PHIP: variants seen among roughly 807,000 people sequenced by gnomAD.
The protein encoded by PHIP is PHIP subunit of CUL4-Ring ligase complex, also known as PH-interacting protein.
PHIP carries 54 observed loss-of-function variants against 236.8 expected under a neutral mutation model. That is an observed-to-expected ratio of 0.23 (90% CI 0.18 to 0.29). The LOEUF is 0.29. PHIP is among the 10% of genes least tolerant of loss of function. PHIP has a pLI of 1.00. For synonymous variants in PHIP, 756 were observed against 718.9 expected, an observed-to-expected ratio of 1.05 and a Z score of -0.83; for missense variants, 1,370 against 2,190.8, an observed-to-expected ratio of 0.63 and a Z score of 7.48.
chr6:79,055,450 A>T (rs368470337), intron 6 of PHIP, among the ~76,000 whole-genome samples: 12 of 152,298 alleles, frequency 7.9e-5, no homozygotes, highest in East Asian at 5.8e-4. Context: ...GTGGGTATGG[A>T]GGTAAGAGAA....
At position 78,938,540 on chromosome 6, in the gene PHIP, G is replaced by A. The variant is rs1773354823; in HGVS notation, c.*2153C>T. The A allele has an allele frequency of 6.6e-6, 1 of 151,458 alleles. No homozygotes were observed. The highest frequency in any genetic ancestry group is 1.5e-5 in the Non-Finnish European group (1 of 67,568). 9.4% of individuals were successfully genotyped at this position (151,458 alleles called of 1,614,324 possible). Reference sequence around the variant, plus strand: ...TATTTCAAATAGATTGCCTTCAAAAGCAACTAATTAATGACAAATTTCAAA... The same window carrying A: ...TATTTCAAATAGATTGCCTTCAAAAACAACTAATTAATGACAAATTTCAAA... On this transcript the variant is annotated 3_prime_UTR_variant, in exon 40 of 40. Coordinates refer to ENST00000275034, the MANE Select transcript of PHIP (RefSeq NM_017934.7).
chr6:79,057,488 A>G (rs1275747246), intron 6 of PHIP, among the ~76,000 whole-genome samples: 6 of 152,142 alleles, frequency 3.9e-5, no homozygotes, highest in Non-Finnish European at 8.8e-5. Context: ...CTTCTCAGTA[A>G]ATAATTTCTT....
At chr6:78,979,076 T>G (rs1298273922) in intron 23 of PHIP, among the ~76,000 whole-genome samples, 1 of 152,016 alleles carries the variant, frequency 6.6e-6, no homozygotes, top group African/African-American at 2.4e-5. Context: ...CACATGCAAA[T>G]ACTATATGCC....
At chr6:79,041,507 C>T (rs1253524854) in intron 7 of PHIP, among the ~76,000 whole-genome samples, 1 of 152,090 alleles carries the variant, frequency 6.6e-6, no homozygotes, top group Non-Finnish European at 1.5e-5. Context: ...GACCTACTGG[C>T]ACAATATAGT....
chr6:79,060,842 G>C lies in PHIP; in HGVS notation c.190-24C>G, dbSNP rs143400845. 4 of 1,447,156 alleles carry C rather than the reference G, an allele frequency of 2.8e-6. No homozygotes were observed. The African/African-American group carries it at 4.3e-5, about 16-fold the overall frequency. 89.6% of individuals were successfully genotyped at this position (1,447,156 alleles called of 1,614,324 possible). On this transcript the variant is annotated intron_variant, in intron 4 of 39. Transcript: ENST00000275034. ...ACCTATTATGTAAAAGACAAATATA[G>C]TAGGTTTCAGTTTATCATTTTAATT...
rs559693554 is a variant in PHIP, at chr6:79,021,638, C to T, written c.924-2479G>A. Reference sequence around the variant, plus strand: ...AATAAGGCAGGCACAGAAAGACAAACATCACATGTTCTCACTTATTTTGGG... The same window carrying T: ...AATAAGGCAGGCACAGAAAGACAAATATCACATGTTCTCACTTATTTTGGG... On this transcript the variant is annotated intron_variant, in intron 9 of 39. Transcript: ENST00000275034. 9.2e-5 allele frequency among the ~76,000 whole-genome samples: 14 copies of T among 152,280 alleles called. No individual in the cohort carries two copies. In the South Asian group the frequency reaches 1.7e-3, roughly 18 times the overall value.
chr6:78,958,778 A>G (rs1562125543), intron 31 of PHIP, among the ~76,000 whole-genome samples, 178 bp from the exon 32 acceptor site: 1 of 152,204 alleles, frequency 6.6e-6, no homozygotes, highest in South Asian at 2.1e-4. Flanking sequence ...GGAAAAAAAG[A>G]GGGGCAACCA....
chr6:79,013,993 T>A (rs1770716419), intron 15 of PHIP, among the ~76,000 whole-genome samples: 1 of 151,242 alleles, frequency 6.6e-6, no homozygotes, highest in African/African-American at 2.4e-5. Flanking sequence ...CTCAATACAA[T>A]CACAAAGGAA....
At chr6:78,986,480 A>G (rs1768875208) in intron 21 of PHIP, among the ~76,000 whole-genome samples, 1 of 152,210 alleles carries the variant, frequency 6.6e-6, no homozygotes, top group Non-Finnish European at 1.5e-5. Flanking sequence ...ACAATGCACT[A>G]TTGGTGATAG....
At chr6:79,073,584 A>G (rs1177277315) in intron 4 of PHIP, among the ~76,000 whole-genome samples, 1 of 151,784 alleles carries the variant, frequency 6.6e-6, no homozygotes, top group Non-Finnish European at 1.5e-5. Flanking sequence ...TTTTTCCCTG[A>G]AAGTTGTCTC....
chr6:79,015,540 CTAACA>C, intron 14 of PHIP, 85 bp downstream of exon 14: 1 of 992,334 alleles, frequency 1.0e-6, no homozygotes, highest in Non-Finnish European at 1.5e-6. Flanking sequence ...GAGTTTTTAG[CTAACA>C]TAAAAGACTT....
Position 78,937,370 on chromosome 6 carries a change from TATAAG to T in PHIP, c.*3318_*3322del, listed in dbSNP as rs775918845. The T allele has an allele frequency of 5.9e-5, 9 of 151,842 alleles. No individual in the cohort carries two copies. Among genetic ancestry groups the T allele is most frequent in the Non-Finnish European group, 8.9e-5 (6 of 67,646 alleles). The allele number at this position is 151,842 out of a possible 1,614,324, so 9.4% of individuals were successfully genotyped here. A position where few individuals can be genotyped will look rare whatever the true frequency, so the allele number is the denominator to read the frequency against. ...TGAAAACATGTAAATGCTGCTAACA[TATAAG>T]ATAAAAATATTTGAATACATTTCTT... On this transcript the variant is annotated 3_prime_UTR_variant, in exon 40 of 40. Coordinates refer to ENST00000275034, the MANE Select transcript of PHIP (RefSeq NM_017934.7).
At chr6:78,979,350 C>T (rs560337420) in intron 23 of PHIP, among the ~76,000 whole-genome samples, 2 of 152,206 alleles carry the variant, frequency 1.3e-5, no homozygotes, top group South Asian at 4.1e-4. Flanking sequence ...AAAGTACAAG[C>T]TCTGTGTATT....
chr6:78,942,365 C>G lies in PHIP; in HGVS notation c.4829-1035G>C, dbSNP rs184597065. Among the ~76,000 whole-genome samples the G allele has an allele frequency of 3.1e-3, 474 of 152,262 alleles. 3 individuals are homozygous for G. Among genetic ancestry groups the G allele is most frequent in the African/African-American group, 0.011 (440 of 41,550 alleles). ...GGGCGTGGTGGTGGGTGCCTGTAAT[C>G]CCAGCTACTCAGGGGGCTGAGGCAG... On this transcript the variant is annotated intron_variant, in intron 39 of 39. Transcript: ENST00000275034.
At chr6:79,063,280 T>A (rs945604195) in intron 4 of PHIP, among the ~76,000 whole-genome samples, 6 of 152,176 alleles carry the variant, frequency 3.9e-5, no homozygotes, top group African/African-American at 1.4e-4. Flanking sequence ...ATATGAAGAT[T>A]TAAGAATATG....
rs780233079 is a variant in PHIP, at chr6:78,988,362, A to T, written c.2320-13T>A. ...CATGAGCATGATTCTAGAAAAAAAT[A>T]AATTAAATTTATTCACAGATTGTTT... is the stretch of plus-strand genomic sequence containing the variant. On this transcript the variant is annotated splice_polypyrimidine_tract_variant and intron_variant, in intron 20 of 39. Transcript: ENST00000275034. 1 of 1,556,886 alleles carries T rather than the reference A, an allele frequency of 6.4e-7. No individual in the cohort carries two copies. The highest frequency in any genetic ancestry group is 2.3e-5 in the East Asian group (1 of 43,850).
intron 4 of PHIP, among the ~76,000 whole-genome samples, chr6:79,061,325 T>C (rs1223339401): frequency 6.6e-6 from 1 of 152,196 alleles, no homozygotes; most frequent in African/African-American, 2.4e-5. Context: ...CAGTAGTATC[T>C]AGTTCAGCTA....
At chr6:78,972,006 C>T (rs1351273708) in intron 24 of PHIP, among the ~76,000 whole-genome samples, 7 of 151,956 alleles carry the variant, frequency 4.6e-5, no homozygotes, top group African/African-American at 1.7e-4. Flanking sequence ...CCGGGAAGCT[C>T]GAACTGGGTG....
chr6:78,973,203 A>G (rs1381838889), intron 24 of PHIP, among the ~76,000 whole-genome samples: 1 of 152,142 alleles, frequency 6.6e-6, no homozygotes, highest in African/African-American at 2.4e-5. Context: ...ACAAGCCAGA[A>G]GAGAGTGGGG....
Sources: allele counts gnomAD v4.1 joint callset (sites outside exome capture counted in the v4.1 genomes callset), GRCh38; gene constraint gnomAD v4.1.1; transcripts MANE v1.5; gene names NCBI Gene and HGNC (gene_info 2026-07-23, HGNC 2026-07-21).